S100Z: variants seen among roughly 807,000 people sequenced by gnomAD.
S100Z encodes S100 calcium binding protein Z.
In S100Z, 11 loss-of-function variants were observed where a neutral mutation model predicts 8.5. The ratio of observed to expected loss-of-function variants is 1.30; its 90% CI spans 0.82 to 2.15. The LOEUF (loss-of-function observed/expected upper bound fraction) is 2.15. S100Z is among the 30% of genes most tolerant of loss of function. The probability of loss-of-function intolerance (pLI) is 0.00; values close to 1 mark genes in which losing one functional copy is unlikely to be tolerated. For missense variants in S100Z, 126 were observed against 117.9 expected, an observed-to-expected ratio of 1.07 and a Z score of -0.32; for synonymous variants, 34 against 43.8, an observed-to-expected ratio of 0.78 and a Z score of 0.89.
intron 4 of S100Z, among the ~76,000 whole-genome samples, chr5:76,885,344 A>G (rs13163806): frequency 0.51 from 73,100 of 142,212 alleles, 20,930 homozygotes; most frequent in Non-Finnish European, 0.65. Context: ...GCCCCCCAGG[A>G]AAGTTGAAAC....
intron 4 of S100Z, among the ~76,000 whole-genome samples, chr5:76,903,075 A>G (rs564978524): frequency 2.0e-5 from 3 of 152,238 alleles, no homozygotes; most frequent in South Asian, 2.1e-4. Context: ...GATCCCAGCT[A>G]CTCAGGAGGC....
At chr5:76,855,017 C>G (rs1750842443) in intron 1 of S100Z, among the ~76,000 whole-genome samples, 1 of 152,212 alleles carries the variant, frequency 6.6e-6, no homozygotes, top group African/African-American at 2.4e-5. Flanking sequence ...AAGCTGTAAG[C>G]CTTGGTGGTT....
chr5:76,935,302 C>T, the S100Z span, among the ~76,000 whole-genome samples: 7 of 152,144 alleles, frequency 4.6e-5, no homozygotes, highest in East Asian at 1.9e-4. Flanking sequence ...CGATTTAACA[C>T]ATGGTTTATC....
At chr5:76,931,386 T>A in the S100Z span, among the ~76,000 whole-genome samples, 1 of 152,312 alleles carries the variant, frequency 6.6e-6, no homozygotes, top group East Asian at 1.9e-4. Context: ...GTGTTGGGAT[T>A]ACAGTCTCCA....
chr5:76,915,064 G>A (rs1393906586), intron 4 of S100Z, among the ~76,000 whole-genome samples: 2 of 152,200 alleles, frequency 1.3e-5, no homozygotes, highest in African/African-American at 4.8e-5. Context: ...CCAGCACTTT[G>A]GGAGGTCGAG....
intron 4 of S100Z, among the ~76,000 whole-genome samples, chr5:76,897,325 G>A (rs1010844765): frequency 4.6e-5 from 7 of 151,796 alleles, no homozygotes; most frequent in South Asian, 2.1e-4. Flanking sequence ...GCCTGTAGTC[G>A]CAGCTACTTG....
downstream of S100Z, among the ~76,000 whole-genome samples, chr5:76,922,553 T>C (rs1412478257): frequency 6.8e-6 from 1 of 147,448 alleles, no homozygotes; most frequent in Non-Finnish European, 1.5e-5. Context: ...TGAGATAGAG[T>C]CTTGCTCCGT....
intron 4 of S100Z, among the ~76,000 whole-genome samples, chr5:76,893,083 C>T (rs1743922717): frequency 1.3e-5 from 2 of 152,148 alleles, no homozygotes; most frequent in African/African-American, 4.8e-5. Context: ...AGTTCCCAAT[C>T]TTAATTTTTC....
At chr5:76,859,651 G>A (rs753158510) in intron 1 of S100Z, among the ~76,000 whole-genome samples, 5 of 151,494 alleles carry the variant, frequency 3.3e-5, no homozygotes, top group Non-Finnish European at 5.9e-5. Context: ...GCGTGGTGGC[G>A]GGCGCCTGTA....
At chr5:76,920,240 T>TTTC (rs1263999053) in intron 4 of S100Z, among the ~76,000 whole-genome samples, 3 of 152,136 alleles carry the variant, frequency 2.0e-5, no homozygotes, top group African/African-American at 7.2e-5. Context: ...GGTGGTTTGT[T>TTTC]TTCTTATTGT....
chr5:76,863,693 C>A (rs547929617), intron 1 of S100Z, among the ~76,000 whole-genome samples: 1 of 151,866 alleles, frequency 6.6e-6, no homozygotes, highest in Non-Finnish European at 1.5e-5. Flanking sequence ...CACCCGCCAC[C>A]ACACCCAGCT....
intron 4 of S100Z, among the ~76,000 whole-genome samples, chr5:76,897,965 G>A (rs1419328511): frequency 6.6e-6 from 1 of 152,056 alleles, no homozygotes; most frequent in Non-Finnish European, 1.5e-5. Flanking sequence ...CAATTTGAAT[G>A]CCCTTTATAT....
At chr5:76,923,062 C>T (rs1225171301), downstream of S100Z, among the ~76,000 whole-genome samples, 1 of 151,246 alleles carries the variant, frequency 6.6e-6, no homozygotes, top group African/African-American at 2.4e-5. Flanking sequence ...CATATCACAC[C>T]TAATAATTTA....
downstream of S100Z, among the ~76,000 whole-genome samples, chr5:76,922,007 A>T (rs1365683854): frequency 7.3e-5 from 11 of 151,550 alleles, no homozygotes; most frequent in Non-Finnish European, 1.6e-4. Context: ...AAAAAAAGAA[A>T]AAAGAAAGCA....
downstream of S100Z, among the ~76,000 whole-genome samples, chr5:76,922,769 C>T (rs183189723): frequency 3.4e-4 from 52 of 152,236 alleles, no homozygotes; most frequent in Admixed American, 2.8e-3. Context: ...GTGATCTGCC[C>T]GCCTCGGCCT....
At chr5:76,851,738 A>G (rs988852809) in intron 1 of S100Z, among the ~76,000 whole-genome samples, 3 of 152,118 alleles carry the variant, frequency 2.0e-5, no homozygotes, top group Non-Finnish European at 4.4e-5. Flanking sequence ...CAGTTTATTT[A>G]TACTCTCCTG....
chr5:76,919,317 A>G (rs544083602), intron 4 of S100Z, among the ~76,000 whole-genome samples: 40 of 152,328 alleles, frequency 2.6e-4, no homozygotes, highest in Non-Finnish European at 5.6e-4. Context: ...GCAATGAATG[A>G]GAGCCCCTGT....
intron 4 of S100Z, among the ~76,000 whole-genome samples, chr5:76,902,638 T>G (rs533833005): frequency 8.7e-5 from 12 of 138,622 alleles, no homozygotes; most frequent in Non-Finnish European, 1.5e-4. Context: ...GTTTTTTTTG[T>G]TTTTTTTTTG....
At chr5:76,947,305 G>A in the S100Z span, among the ~76,000 whole-genome samples, 3 of 152,040 alleles carry the variant, frequency 2.0e-5, no homozygotes, top group Non-Finnish European at 2.9e-5. Context: ...TGAAAAGTCT[G>A]AACTTTTACC....
Sources: allele counts gnomAD v4.1 joint callset (sites outside exome capture counted in the v4.1 genomes callset), GRCh38; gene constraint gnomAD v4.1.1; transcripts MANE v1.5; gene names NCBI Gene and HGNC (gene_info 2026-07-23, HGNC 2026-07-21).